The following FAM135B variants were observed in gnomAD, a reference collection of about 807,000 sequenced individuals.
The protein encoded by FAM135B is family with sequence similarity 135 member B.
FAM135B carries 43 observed loss-of-function variants against 127.7 expected under a neutral mutation model. That is an observed-to-expected ratio of 0.34 (90% CI 0.26 to 0.43). The LOEUF is 0.43. Ranked by LOEUF, FAM135B falls within the 20% of genes least tolerant of loss-of-function variation. The pLI, the probability that FAM135B is intolerant of heterozygous loss-of-function variation, is 1.00. For missense variants in FAM135B, 1,558 were observed against 1,725.6 expected, an observed-to-expected ratio of 0.90 and a Z score of 1.72; for synonymous variants, 670 against 665.1, an observed-to-expected ratio of 1.01 and a Z score of -0.11.
intron 4 of FAM135B, among the ~76,000 whole-genome samples, chr8:138,259,298 G>A (rs1822361777): frequency 6.6e-6 from 1 of 152,078 alleles, no homozygotes; most frequent in Non-Finnish European, 1.5e-5. Context: ...TTGTCACAGC[G>A]TGATGGCTAA....
intron 3 of FAM135B, among the ~76,000 whole-genome samples, chr8:138,297,731 G>C (rs1390375214): frequency 6.6e-6 from 1 of 152,206 alleles, no homozygotes; most frequent in Non-Finnish European, 1.5e-5. Flanking sequence ...GCATCAGGCA[G>C]TGCCAGGGGC....
At chr8:138,185,828 CAT>C (rs1815512445) in intron 9 of FAM135B, among the ~76,000 whole-genome samples, 1 of 152,216 alleles carries the variant, frequency 6.6e-6, no homozygotes, top group East Asian at 1.9e-4. Flanking sequence ...TACCAAAGCA[CAT>C]GTCTGAGTTT....
intron 1 of FAM135B, among the ~76,000 whole-genome samples, chr8:138,428,565 T>A (rs1263046541): frequency 6.6e-6 from 1 of 152,128 alleles, no homozygotes; most frequent in African/African-American, 2.4e-5. Context: ...GGTGTGTTAA[T>A]GGTAGCACAG....
At chr8:138,154,323 C>A (rs1818485899) in intron 12 of FAM135B, among the ~76,000 whole-genome samples, 1 of 152,100 alleles carries the variant, frequency 6.6e-6, no homozygotes, top group Non-Finnish European at 1.5e-5. Context: ...GATAAAACCA[C>A]AAAGATGGGG....
In FAM135B at chr8:138,140,074, A is replaced by G. The variant is rs148215961; in HGVS notation, c.3791-978T>C. Reference sequence around the variant, plus strand: ...CAAGATTCCTTTATAACTGTGGGGGAAAAATGTAGTTTAACAAATTTGTTT... The same window carrying G: ...CAAGATTCCTTTATAACTGTGGGGGGAAAATGTAGTTTAACAAATTTGTTT... On this transcript the variant is annotated intron_variant, in intron 17 of 19. Transcript: ENST00000395297. Among the ~76,000 whole-genome samples, 52 of 152,200 alleles carry G rather than the reference A, an allele frequency of 3.4e-4. 1 individual carries two copies. The East Asian group carries it at 7.0e-3, about 20-fold the overall frequency.
chr8:138,476,877 C>T (rs963454730), intron 1 of FAM135B, among the ~76,000 whole-genome samples: 1 of 152,270 alleles, frequency 6.6e-6, no homozygotes, highest in South Asian at 2.1e-4. Flanking sequence ...AGGACTGGAG[C>T]TGGACTGGGA....
At position 138,362,920 on chromosome 8, in the gene FAM135B, T is replaced by C. The variant is rs140228693; in HGVS notation, c.77+4987A>G. Among the ~76,000 whole-genome samples, 223 of 152,294 alleles carry C rather than the reference T, an allele frequency of 1.5e-3. 1 individual carries two copies. The highest frequency in any genetic ancestry group is 4.9e-3 in the African/African-American group (205 of 41,562). ...ACTAGTGTCCTTGGGAATGAGTAGA[T>C]GACCAAATAAAGCATGTACAGATGT... On this transcript the variant is annotated intron_variant, in intron 2 of 19. Coordinates refer to ENST00000395297, the MANE Select transcript of FAM135B (RefSeq NM_015912.4).
At chr8:138,393,172 A>G (rs1832677698) in intron 1 of FAM135B, among the ~76,000 whole-genome samples, 1 of 152,140 alleles carries the variant, frequency 6.6e-6, no homozygotes, top group African/African-American at 2.4e-5. Flanking sequence ...CCCATGAATC[A>G]ATTATCTCCC....
In FAM135B at chr8:138,244,374, A is replaced by C. The variant is rs143487569; in HGVS notation, c.543-1306T>G. Among the ~76,000 whole-genome samples, 3 of 146,382 alleles carry C rather than the reference A, an allele frequency of 2.0e-5. No individual in the cohort carries two copies. In the East Asian group the frequency reaches 6.3e-4, roughly 31 times the overall value. On this transcript the variant is annotated intron_variant, in intron 6 of 19. Transcript: ENST00000395297. ...GAGGGGGCAATAAATCCAGCCTCTC[A>C]GGGTTCAACTCCCTAAAGGCTGTGT...
chr8:138,166,736 A>G lies in FAM135B; in HGVS notation c.1258+1159T>C, dbSNP rs1819960562. Among the ~76,000 whole-genome samples, 3 of 152,208 alleles carry G rather than the reference A, an allele frequency of 2.0e-5. No homozygotes were observed. In the South Asian group the frequency reaches 6.2e-4, roughly 31 times the overall value. ...ATTTAAGAACAATTAATAAAAACAA[A>G]TAATGATTTTCCCAGTATTTGGTGA... On this transcript the variant is annotated intron_variant, in intron 12 of 19. Transcript: ENST00000395297.
intron 8 of FAM135B, 53 bp downstream of exon 8, chr8:138,197,463 G>T (rs2131134536): frequency 6.3e-7 from 1 of 1,581,830 alleles, no homozygotes; most frequent in Non-Finnish European, 8.6e-7. Context: ...TCCCTTGTGT[G>T]GAGGAGGCAC....
At chr8:138,420,432 G>T (rs1392285971) in intron 1 of FAM135B, among the ~76,000 whole-genome samples, 1 of 152,026 alleles carries the variant, frequency 6.6e-6, no homozygotes, top group Admixed American at 6.6e-5. Flanking sequence ...AGACAGTACA[G>T]GTGACACCAA....
chr8:138,166,865 A>G (rs1819975459), intron 12 of FAM135B, among the ~76,000 whole-genome samples: 1 of 152,148 alleles, frequency 6.6e-6, no homozygotes, highest in East Asian at 1.9e-4. Flanking sequence ...GTAGTTCACA[A>G]TCAATCAGGA....
chr8:138,187,340 T>C (rs1327978908), intron 9 of FAM135B, among the ~76,000 whole-genome samples: 5 of 152,204 alleles, frequency 3.3e-5, no homozygotes, highest in African/African-American at 1.2e-4. Flanking sequence ...CCTCCCTTTT[T>C]CATGCCTTTC....
rs551932302 is a variant in FAM135B, at chr8:138,217,922, G to A, written c.670-20253C>T. ...TGGGATGAAGACAAGATACTGGAGGGATTCTTTTAGGCCATCTCATAAATG... is the reference window on the plus strand; with the variant it reads ...TGGGATGAAGACAAGATACTGGAGGAATTCTTTTAGGCCATCTCATAAATG... On this transcript the variant is annotated intron_variant, in intron 7 of 19. Coordinates refer to ENST00000395297, the MANE Select transcript of FAM135B (RefSeq NM_015912.4). 5.3e-5 allele frequency among the ~76,000 whole-genome samples: 8 copies of A among 152,226 alleles called. No homozygotes were observed. The East Asian group carries it at 1.5e-3, about 29-fold the overall frequency.
Position 138,370,984 on chromosome 8 carries a change from C to A in FAM135B, c.-19-2982G>T, listed in dbSNP as rs1248570586. On this transcript the variant is annotated intron_variant, in intron 1 of 19. Coordinates refer to ENST00000395297, the MANE Select transcript of FAM135B (RefSeq NM_015912.4). Reference sequence around the variant, plus strand: ...AGTCTTGAGTCCCACACCAGACCTACTCAGTCAGAAACTCCACAGGTGAGT... The same window carrying A: ...AGTCTTGAGTCCCACACCAGACCTAATCAGTCAGAAACTCCACAGGTGAGT... Among the ~76,000 whole-genome samples the A allele has an allele frequency of 2.0e-5, 3 of 152,168 alleles. No individual in the cohort carries two copies. In the East Asian group the frequency reaches 5.8e-4, roughly 29 times the overall value.
chr8:138,253,117 T>C (rs1372625259), intron 5 of FAM135B, among the ~76,000 whole-genome samples: 1 of 152,090 alleles, frequency 6.6e-6, no homozygotes, highest in Non-Finnish European at 1.5e-5. Flanking sequence ...GCTTCTTTTC[T>C]AAACTGCCAT....
chr8:138,355,380 T>C (rs2131144286), intron 2 of FAM135B, among the ~76,000 whole-genome samples: 1 of 152,268 alleles, frequency 6.6e-6, no homozygotes, highest in African/African-American at 2.4e-5. Flanking sequence ...CATGGAATAC[T>C]ATGAAGCCAT....
chr8:138,301,190 A>G (rs568921118), intron 3 of FAM135B, among the ~76,000 whole-genome samples: 2 of 152,300 alleles, frequency 1.3e-5, no homozygotes, highest in East Asian at 3.9e-4. Context: ...GTGGACCCAC[A>G]TGCTGTGGTT....
Sources: gnomAD v4.1 joint callset for allele counts (sites outside exome capture counted in the v4.1 genomes callset) on GRCh38, gnomAD v4.1.1 for gene constraint, MANE v1.5 for transcripts, NCBI Gene and HGNC (gene_info 2026-07-23, HGNC 2026-07-21) for gene names.